CHRNE: variants seen among roughly 807,000 people sequenced by gnomAD.
CHRNE encodes cholinergic receptor nicotinic epsilon subunit.
Under a neutral mutation model 56.5 loss-of-function variants are expected in CHRNE, and 58 were observed. The observed-to-expected ratio is 1.03, with a 90% confidence interval of 0.83 to 1.28. The LOEUF (loss-of-function observed/expected upper bound fraction) is 1.28. Ranked by LOEUF, CHRNE falls within the 50% of genes most tolerant of loss-of-function variation. The pLI, the probability that CHRNE is intolerant of heterozygous loss-of-function variation, is 0.00. For missense variants in CHRNE, 793 were observed against 688.9 expected (o/e 1.15, Z -1.69); for synonymous variants, 385 against 297.9 (o/e 1.29, Z -3.01).
intron 8 of CHRNE, chr17:4,900,556 G>A: frequency 6.5e-7 from 1 of 1,550,338 alleles, no homozygotes; most frequent in East Asian, 2.4e-5. Flanking sequence ...GCGGGGCTAG[G>A]GAGGCACTGA....
chr17:4,901,114 C>T lies in CHRNE; in HGVS notation c.678G>A (p.Gly226=), dbSNP rs1431059369. Residue 226 remains glycine (G), a synonymous_variant, in exon 7 of 12, where the codon GGG becomes GGA. Coordinates refer to ENST00000649488, the MANE Select transcript of CHRNE (RefSeq NM_000080.4). ...TGAGCGAGTAGATGACGTCAGTCTC[C>T]CCTGGGCCGTCGGTGGCGCCACCGT... ...RHHGGATDGP[G]ETDVIYSLII... The T allele has an allele frequency of 1.9e-6, 3 of 1,613,306 alleles. No individual in the cohort carries two copies. The highest frequency in any genetic ancestry group is 2.2e-5 in the East Asian group (1 of 44,836).
At position 4,900,913 on chromosome 17, in the gene CHRNE, G is replaced by C; in HGVS notation, c.803-6C>G. ...CGTGCATTTCTGGCCGCCGGCTGGA[G>C]GGAGAGCCAGTGAGAGCGGGCCCCG... On this transcript the variant is annotated splice_polypyrimidine_tract_variant and splice_region_variant and intron_variant, in intron 7 of 11. Transcript: ENST00000649488. 3 of 1,614,154 alleles carry C rather than the reference G, an allele frequency of 1.9e-6. No homozygotes were observed. The highest frequency in any genetic ancestry group is 2.5e-6 in the Non-Finnish European group (3 of 1,179,976).
chr17:4,900,953 G>T, intron 7 of CHRNE, 37 bp downstream of exon 7: 2 of 1,613,840 alleles, frequency 1.2e-6, no homozygotes, highest in Non-Finnish European at 1.7e-6. Context: ...CCGGGAGCGA[G>T]CCCGGGTTTG....
In CHRNE at chr17:4,899,503, G is replaced by GAC; in HGVS notation, c.996_997insGT (p.Pro333ValfsTer53). 2 of 1,602,824 alleles carry GAC rather than the reference G, an allele frequency of 1.2e-6. No homozygotes were observed. The highest frequency in any genetic ancestry group is 1.7e-6 in the Non-Finnish European group (2 of 1,176,008). On this transcript the variant is annotated frameshift_variant, in exon 9 of 12. Transcript: ENST00000649488. LOFTEE classifies it high-confidence loss of function. Reference sequence around the variant, plus strand: ...CGCGGGGACATGGCGTGGGTGGTGGGCGTCCGCTGGGACACGTTGAGCACG... The same window carrying GAC: ...CGCGGGGACATGGCGTGGGTGGTGGGACCGTCCGCTGGGACACGTTGAGCACG...
At chr17:4,899,629 C>T (rs1221070483) in intron 8 of CHRNE, 47 bp from the exon 9 acceptor site, 6 of 1,485,482 alleles carry the variant, frequency 4.0e-6, no homozygotes, top group Non-Finnish European at 5.5e-6. Context: ...CTCCCAGCTA[C>T]CGAAGGCGCC....
upstream of CHRNE, among the ~76,000 whole-genome samples, chr17:4,904,019 G>T (rs552533931): frequency 6.6e-6 from 1 of 152,024 alleles, no homozygotes; most frequent in African/African-American, 2.4e-5. Flanking sequence ...CACCATGCCC[G>T]GCTAATTTTT....
At chr17:4,901,306 G>A in intron 6 of CHRNE, 116 bp from the exon 7 acceptor site, 2 of 1,170,354 alleles carry the variant, frequency 1.7e-6, no homozygotes, top group Non-Finnish European at 1.2e-6. Flanking sequence ...GTCAGGATGG[G>A]GGCAATTACG....
chr17:4,904,924 G>A (rs143909795), upstream of CHRNE, among the ~76,000 whole-genome samples: 2 of 152,258 alleles, frequency 1.3e-5, no homozygotes, highest in Admixed American at 1.3e-4. Context: ...CCCTTTCTGG[G>A]TCTCTTTGAC....
upstream of CHRNE, among the ~76,000 whole-genome samples, chr17:4,904,197 TTTTTTGC>T (rs1174712285): frequency 2.0e-5 from 3 of 151,656 alleles, no homozygotes; most frequent in Non-Finnish European, 4.4e-5. Context: ...TTGTTTTTTG[TTTTTTGC>T]AGGGGGTGGG....
At position 4,898,866 on chromosome 17, in the gene CHRNE, C is replaced by T; in HGVS notation, c.1352G>A (p.Gly451Glu). Reference sequence around the variant, plus strand: ...GAAGCAGATGTTGTCAAGGGCATTCCCCATGCGCACCCAGTCGGACACTTC... The same window carrying T: ...GAAGCAGATGTTGTCAAGGGCATTCTCCATGCGCACCCAGTCGGACACTTC... ...GEEVSDWVRMGNALDNICFWA... is the reference protein window; with the variant it reads ...GEEVSDWVRMENALDNICFWA... Residue 451 changes from glycine to glutamate, a missense_variant, in exon 12 of 12, where the codon GGG becomes GAG. Coordinates refer to ENST00000649488, the MANE Select transcript of CHRNE (RefSeq NM_000080.4). 6.3e-7 allele frequency: 1 copy of T among 1,585,444 alleles called. No homozygotes were observed. Among genetic ancestry groups the T allele is most frequent in the East Asian group, 2.3e-5 (1 of 43,792 alleles).
rs1969809963 is a variant in CHRNE at position 4,898,645 on chromosome 17, G to A, written c.*91C>T. On this transcript the variant is annotated 3_prime_UTR_variant, in exon 12 of 12. Coordinates refer to ENST00000649488, the MANE Select transcript of CHRNE (RefSeq NM_000080.4). ...ACAAACTGCAGATTGATCAGCAGGG[G>A]GAAGGGATCATAATGCCGTGGTGGC... The A allele has an allele frequency of 2.7e-6, 4 of 1,485,908 alleles. No homozygotes were observed. The highest frequency in any genetic ancestry group is 3.9e-5 in the Admixed American group (2 of 50,936). The allele number at this position is 1,485,908 out of a possible 1,614,324, so 92.0% of individuals were successfully genotyped here. A position where few individuals can be genotyped will look rare whatever the true frequency, so the allele number is the denominator to read the frequency against.
At chr17:4,907,186 G>C (rs1337553673), upstream of CHRNE, among the ~76,000 whole-genome samples, 2 of 151,714 alleles carry the variant, frequency 1.3e-5, no homozygotes. Flanking sequence ...AAAAACTTAA[G>C]AGTGTAATTG....
At chr17:4,900,149 G>C in intron 8 of CHRNE, 1 of 1,548,578 alleles carries the variant, frequency 6.5e-7, no homozygotes, top group Middle Eastern at 1.7e-4. Flanking sequence ...GTTAGAGGTG[G>C]GGTACTGGGG....
rs1183289759 is a variant in CHRNE, at chr17:4,902,197, G to GC, written c.344+19dup. 1 of 1,613,732 alleles carries GC rather than the reference G, an allele frequency of 6.2e-7. No homozygotes were observed. Among genetic ancestry groups the GC allele is most frequent in the Non-Finnish European group, 8.5e-7 (1 of 1,179,814 alleles). On this transcript the variant is annotated intron_variant, in intron 4 of 11. Transcript: ENST00000649488. This position sits in a 1 kb window ranked among gnomAD's most constrained non-coding sequence, Gnocchi z 4.0. ...CCCAGGCCGGCTTCCCTCCAGCCTGGCGTCTGGCCCGGTTCTCACTTGTTT... is the reference window on the plus strand; with the variant it reads ...CCCAGGCCGGCTTCCCTCCAGCCTGGCCGTCTGGCCCGGTTCTCACTTGTTT...
chr17:4,901,291 G>A (rs1969976960), intron 6 of CHRNE, 101 bp from the exon 7 acceptor site: 9 of 1,354,408 alleles, frequency 6.6e-6, no homozygotes, highest in Admixed American at 5.5e-5. Flanking sequence ...CCAGGGTCAT[G>A]GGCCGTCAGG....
At position 4,897,988 on chromosome 17, in the gene CHRNE, C is replaced by T. The variant is rs536398300; in HGVS notation, c.*748G>A. 1.2e-3 allele frequency: 163 copies of T among 141,436 alleles called. 1 individual carries two copies. The highest frequency in any genetic ancestry group is 1.5e-3 in the East Asian group (7 of 4,812). The allele number at this position is 141,436 out of a possible 1,614,324, so 8.8% of individuals were successfully genotyped here. A position where few individuals can be genotyped will look rare whatever the true frequency, so the allele number is the denominator to read the frequency against. Reference sequence around the variant, plus strand: ...GCAGCAAGTAACCCTTCTCCCTCCCCCCCCACCCCTCCTCAATGTAGTGGC... The same window carrying T: ...GCAGCAAGTAACCCTTCTCCCTCCCTCCCCACCCCTCCTCAATGTAGTGGC... On this transcript the variant is annotated 3_prime_UTR_variant, in exon 12 of 12. Coordinates refer to ENST00000649488, the MANE Select transcript of CHRNE (RefSeq NM_000080.4).
At chr17:4,900,176 C>A in intron 8 of CHRNE, 1 of 1,544,682 alleles carries the variant, frequency 6.5e-7, no homozygotes, top group Non-Finnish European at 8.7e-7. Context: ...GGATACGCGG[C>A]GATCGGGTAG....
At position 4,901,576 on chromosome 17, in the gene CHRNE, T is replaced by C. The variant is rs1969986085; in HGVS notation, c.550A>G (p.Asn184Asp). The change falls in exon 6 of 12, where the codon AAC becomes GAC. Residue 184 changes from asparagine to aspartate, a missense_variant. Physicochemically the swap from Asn to Asp is conservative, Grantham distance 23. Transcript: ENST00000649488. ...EEVEFTFAVDNDGKTINKIDI... is the reference protein window; with the variant it reads ...EEVEFTFAVDDDGKTINKIDI... ...ATCTTGTTGATGGTCTTGCCGTCGT[T>C]GTCTACGGCAAAAGTGAACTCCACC... 1 of 1,614,012 alleles carries C rather than the reference T, an allele frequency of 6.2e-7. No homozygotes were observed. The highest frequency in any genetic ancestry group is 1.3e-5 in the African/African-American group (1 of 74,916).
Position 4,902,863 on chromosome 17 carries a change from T to C in CHRNE, c.47-100A>G. ...GGGTCCTCACAGGCCTCTGAGGCTG[T>C]GTACTATCAGTATCTGTCTCCTAAA... On this transcript the variant is annotated intron_variant, in intron 1 of 11. Transcript: ENST00000649488. This position sits in a 1 kb window ranked among gnomAD's most constrained non-coding sequence, Gnocchi z 4.0. 1 of 1,586,066 alleles carries C rather than the reference T, an allele frequency of 6.3e-7. No individual in the cohort carries two copies. The highest frequency in any genetic ancestry group is 8.7e-7 in the Non-Finnish European group (1 of 1,155,528).
Sources: allele counts gnomAD v4.1 joint callset (sites outside exome capture counted in the v4.1 genomes callset), GRCh38; gene constraint gnomAD v4.1.1; non-coding constraint Gnocchi (gnomAD v3.1); transcripts MANE v1.5; gene names NCBI Gene and HGNC (gene_info 2026-07-23, HGNC 2026-07-21).